Variants in PLEKHA7 observed in about 807,000 individuals in gnomAD.
PLEKHA7 encodes the protein pleckstrin homology domain-containing family A member 7.
PLEKHA7 carries 104 observed loss-of-function variants against 170.0 expected under a neutral mutation model. The ratio of observed to expected loss-of-function variants is 0.61; its 90% CI spans 0.52 to 0.72. The LOEUF is 0.72. Ranked by LOEUF, PLEKHA7 falls within the 30% of genes least tolerant of loss-of-function variation. PLEKHA7 has a pLI of 0.00. For missense variants in PLEKHA7, 1,615 were observed against 1,671.7 expected, an observed-to-expected ratio of 0.97 and a Z score of 0.59; for synonymous variants, 648 against 660.8, an observed-to-expected ratio of 0.98 and a Z score of 0.30.
chr11:16,957,721 T>TTC (rs1861794556), intron 3 of PLEKHA7, among the ~76,000 whole-genome samples: 1 of 115,468 alleles, frequency 8.7e-6, no homozygotes, highest in South Asian at 3.7e-4. Flanking sequence ...TTTTTTTTTT[T>TTC]GAGACAGAGT....
At chr11:16,808,323 A>G (rs1480888067) in intron 13 of PLEKHA7, among the ~76,000 whole-genome samples, 1 of 152,170 alleles carries the variant, frequency 6.6e-6, no homozygotes, top group Non-Finnish European at 1.5e-5. Flanking sequence ...AGGGTTAATA[A>G]TTTCTTCTCC....
At chr11:16,814,855 A>G (rs1849630253) in intron 12 of PLEKHA7, among the ~76,000 whole-genome samples, 1 of 152,264 alleles carries the variant, frequency 6.6e-6, no homozygotes, top group Non-Finnish European at 1.5e-5. Context: ...CATCCCAAGC[A>G]GTGGCCACGG....
chr11:16,839,053 C>A lies in PLEKHA7; in HGVS notation c.872+2494G>T, dbSNP rs76097933. ...ATTAAAAATGTATTATACTTTTACC[C>A]AGCAATCTGAAAGACTCACACATGC... is the stretch of plus-strand genomic sequence containing the variant. On this transcript the variant is annotated intron_variant, in intron 9 of 26. Transcript: ENST00000531066. 1.8e-4 allele frequency among the ~76,000 whole-genome samples: 27 copies of A among 152,212 alleles called. No individual in the cohort carries two copies. The East Asian group carries it at 5.2e-3, about 29-fold the overall frequency.
chr11:16,915,485 C>T (rs574159446), intron 3 of PLEKHA7, among the ~76,000 whole-genome samples: 1,896 of 151,186 alleles, frequency 0.013, 20 homozygotes, highest in Non-Finnish European at 0.022. Flanking sequence ...TAGCATTAGG[C>T]ATATCTCCCA....
Position 16,794,523 on chromosome 11 carries a change from G to C in PLEKHA7, c.2710C>G (p.Pro904Ala), listed in dbSNP as rs1848077238. The C allele has an allele frequency of 6.2e-7, 1 of 1,613,826 alleles. No homozygotes were observed. The highest frequency in any genetic ancestry group is 1.3e-5 in the African/African-American group (1 of 74,864). ...HPPQLRKVTS[P>A]LQSPTKAKPK... ...TTCGCCTTAGTTGGTGACTGAAGGGGGGATGTCACTTTCCTCAGCTGGGGT... is the reference window on the plus strand; with the variant it reads ...TTCGCCTTAGTTGGTGACTGAAGGGCGGATGTCACTTTCCTCAGCTGGGGT... The change falls in exon 19 of 27, where the codon CCC becomes GCC. Residue 904 changes from proline to alanine, a missense_variant. By Grantham distance (27) the Pro-to-Ala change is conservative. Transcript: ENST00000531066.
chr11:16,788,799 C>A, intron 23 of PLEKHA7: 1 of 496,138 alleles, frequency 2.0e-6, no homozygotes, highest in Non-Finnish European at 3.6e-6. Context: ...TGAATTCAGC[C>A]GAGATTCCGA....
chr11:16,991,756 T>C (rs1395103910), intron 3 of PLEKHA7, among the ~76,000 whole-genome samples: 1 of 152,008 alleles, frequency 6.6e-6, no homozygotes, highest in Non-Finnish European at 1.5e-5. Context: ...CCACAGATGG[T>C]TCGAGCGGAG....
chr11:16,813,265 G>GTTCCTTGTTCCCAAAGCT, intron 12 of PLEKHA7, 99 bp from the exon 13 acceptor site: 1 of 1,024,706 alleles, frequency 9.8e-7, no homozygotes, highest in Non-Finnish European at 1.5e-6. Context: ...TGCAGCTTTG[G>GTTCCTTGTTCCCAAAGCT]GAACAAGGAA....
At chr11:16,952,223 T>C (rs1861448176) in intron 3 of PLEKHA7, among the ~76,000 whole-genome samples, 1 of 152,120 alleles carries the variant, frequency 6.6e-6, no homozygotes, top group Non-Finnish European at 1.5e-5. Context: ...TGGATGTAGG[T>C]AGAAGGACCA....
intron 3 of PLEKHA7, among the ~76,000 whole-genome samples, chr11:16,885,852 C>T (rs1856057496): frequency 6.6e-6 from 1 of 151,844 alleles, no homozygotes; most frequent in Non-Finnish European, 1.5e-5. Flanking sequence ...AAAAAATTAG[C>T]CAGGTGTGGT....
chr11:16,798,859 C>T (rs1240057791), intron 17 of PLEKHA7, among the ~76,000 whole-genome samples: 1 of 152,090 alleles, frequency 6.6e-6, no homozygotes, highest in Non-Finnish European at 1.5e-5. Flanking sequence ...AAATCCTTAT[C>T]ACACCACCAT....
intron 3 of PLEKHA7, among the ~76,000 whole-genome samples, chr11:16,907,691 C>T (rs568797567): frequency 0.19 from 24,039 of 124,228 alleles, 2,215 homozygotes; most frequent in African/African-American, 0.4. Context: ...AGGTGAGGGG[C>T]GCCTCTGCCC....
chr11:16,816,794 C>A lies in PLEKHA7; in HGVS notation c.1866+6G>T, dbSNP rs757066999. 1.2e-6 allele frequency: 2 copies of A among 1,612,390 alleles called. No homozygotes were observed. The highest frequency in any genetic ancestry group is 1.1e-5 in the South Asian group (1 of 90,856). On this transcript the variant is annotated splice_donor_region_variant and intron_variant, in intron 11 of 26. Transcript: ENST00000531066. ...CAGCAGCCTGGCAGAGCTTCCCGAG[C>A]CTCACCTTGACAGCGTGGCCCCGTG... is the stretch of plus-strand genomic sequence containing the variant.
intron 15 of PLEKHA7, among the ~76,000 whole-genome samples, chr11:16,802,091 C>G (rs949841032): frequency 2.6e-5 from 4 of 152,100 alleles, no homozygotes; most frequent in African/African-American, 9.7e-5. Context: ...AGAGAATAAA[C>G]TAAGCTAAGA....
At chr11:16,836,444 C>G (rs1183372961) in intron 9 of PLEKHA7, among the ~76,000 whole-genome samples, 1 of 152,222 alleles carries the variant, frequency 6.6e-6, no homozygotes, top group Non-Finnish European at 1.5e-5. Flanking sequence ...CATACCACCA[C>G]TAATAAAGGA....
At chr11:16,861,013 T>C (rs544212817) in intron 4 of PLEKHA7, among the ~76,000 whole-genome samples, 18 of 152,226 alleles carry the variant, frequency 1.2e-4, no homozygotes, top group Non-Finnish European at 2.5e-4. Flanking sequence ...TTGGAACTGT[T>C]ACCAGTGAAG....
intron 3 of PLEKHA7, among the ~76,000 whole-genome samples, chr11:16,927,778 A>G (rs1590641520): frequency 6.6e-6 from 1 of 152,260 alleles, no homozygotes; most frequent in African/African-American, 2.4e-5. Context: ...GTGGATGAGC[A>G]CAAAGATTTA....
At chr11:16,986,235 G>T (rs1324149524) in intron 3 of PLEKHA7, among the ~76,000 whole-genome samples, 1 of 152,138 alleles carries the variant, frequency 6.6e-6, no homozygotes, top group Non-Finnish European at 1.5e-5. Flanking sequence ...GCCCCTGTAG[G>T]GAGAACAGGA....
At chr11:16,825,998 C>T (rs1039362916) in intron 10 of PLEKHA7, 122 bp downstream of exon 10, 16 of 990,484 alleles carry the variant, frequency 1.6e-5, no homozygotes, top group East Asian at 7.2e-5. Flanking sequence ...CAGGGATTTA[C>T]GTAGGTAATG....
Sources: gnomAD v4.1 joint callset for allele counts (sites outside exome capture counted in the v4.1 genomes callset) on GRCh38, gnomAD v4.1.1 for gene constraint, MANE v1.5 for transcripts, NCBI Gene and HGNC (gene_info 2026-07-23, HGNC 2026-07-21) for gene names.